BTN3A3: variants seen among roughly 807,000 people sequenced by gnomAD.
The protein encoded by BTN3A3 is butyrophilin 3.
A neutral mutation model predicts 43.2 loss-of-function variants in BTN3A3; 39 were observed. That is an observed-to-expected ratio of 0.90 (90% CI 0.70 to 1.18). The LOEUF (loss-of-function observed/expected upper bound fraction) is 1.18, where lower values mean the gene tolerates loss of function less well. Ranked by LOEUF, BTN3A3 falls within the 50% of genes most tolerant of loss-of-function variation. The pLI is 0.00. For synonymous variants in BTN3A3, 255 were observed against 272.7 expected (o/e 0.93, Z 0.64); for missense variants, 631 against 722.8 (o/e 0.87, Z 1.46).
At chr6:26,441,150 G>A (rs1762625114) in intron 1 of BTN3A3, among the ~76,000 whole-genome samples, 2 of 152,098 alleles carry the variant, frequency 1.3e-5, no homozygotes, top group Admixed American at 6.6e-5. Context: ...ACAGGCAGGG[G>A]GTAGACAAAC....
chr6:26,447,548 A>G (rs1488491927), intron 5 of BTN3A3, among the ~76,000 whole-genome samples: 1 of 152,174 alleles, frequency 6.6e-6, no homozygotes, highest in Non-Finnish European at 1.5e-5. Context: ...ATTTTAGTAA[A>G]CATGGGTTTT....
At position 26,448,322 on chromosome 6, in the gene BTN3A3, G is replaced by A. The variant is rs543130389; in HGVS notation, c.790G>A (p.Ala264Thr). The A allele has an allele frequency of 3.2e-5, 51 of 1,613,646 alleles. No homozygotes were observed. The highest frequency in any genetic ancestry group is 2.9e-4 in the South Asian group (26 of 91,046). The stretch of plus-strand genomic sequence containing the variant: ...CCTGCCTATCTCGTTGCTGCTTCTC[G>A]CAGGAGCCAGTTACTTCTTGTGGAG... ...GTLPISLLLL[A>T]GASYFLWRQQ... is the part of the protein sequence containing the mutation. The change falls in exon 6 of 11, where the codon GCA becomes ACA. Residue 264 changes from alanine to threonine, a missense_variant. Coordinates refer to ENST00000244519, the MANE Select transcript of BTN3A3 (RefSeq NM_006994.5).
Position 26,451,760 on chromosome 6 carries a change from G to C in BTN3A3, c.1104G>C (p.Pro368=), listed in dbSNP as rs141739374. The change falls in exon 11 of 11, where the codon CCG becomes CCC. Residue 368 remains proline (P), a synonymous_variant. Transcript: ENST00000244519. ...GGAGTGTGCAGCGTGCTGAAGAGCCGCGGGATCTGCCAGACAACCCTGAGA... is the reference window on the plus strand; with the variant it reads ...GGAGTGTGCAGCGTGCTGAAGAGCCCCGGGATCTGCCAGACAACCCTGAGA... ...DQRSVQRAEE[P]RDLPDNPERF... is the part of the protein sequence containing the mutation. The C allele has an allele frequency of 6.2e-6, 10 of 1,614,040 alleles. No homozygotes were observed. Among genetic ancestry groups the C allele is most frequent in the Non-Finnish European group, 7.6e-6 (9 of 1,179,914 alleles).
intron 10 of BTN3A3, among the ~76,000 whole-genome samples, chr6:26,450,820 G>A (rs1762910690): frequency 6.6e-6 from 1 of 152,212 alleles, no homozygotes; most frequent in Admixed American, 6.5e-5. Context: ...GGAACCCAGA[G>A]AAAAGTAGCT....
In BTN3A3 at chr6:26,444,093, G is replaced by A. The variant is rs1472406346; in HGVS notation, c.222G>A (p.Gln74=). Residue 74 remains glutamine, a synonymous_variant, in exon 4 of 11, where the codon CAG becomes CAA. Coordinates refer to ENST00000244519, the MANE Select transcript of BTN3A3 (RefSeq NM_006994.5). The part of the protein sequence containing the change: ...ELRWVSSSLR[Q]VVNVYADGKE... ...GGTGGGTGAGTTCCAGCCTAAGGCAGGTGGTGAACGTGTATGCAGATGGAA... is the reference window on the plus strand; with the variant it reads ...GGTGGGTGAGTTCCAGCCTAAGGCAAGTGGTGAACGTGTATGCAGATGGAA... 2.5e-6 allele frequency: 4 copies of A among 1,614,010 alleles called. No homozygotes were observed. In the South Asian group the frequency reaches 4.4e-5, roughly 18 times the overall value.
chr6:26,440,810 G>GTT (rs1490535295), intron 1 of BTN3A3, 162 bp downstream of exon 1: 1 of 135,476 alleles, frequency 7.4e-6, no homozygotes, highest in African/African-American at 2.8e-5. Flanking sequence ...GTGTGTGTGT[G>GTT]TGTGTGCGTG....
chr6:26,451,325 A>C (rs2237236), intron 10 of BTN3A3, among the ~76,000 whole-genome samples: 2 of 152,010 alleles, frequency 1.3e-5, no homozygotes, highest in African/African-American at 4.8e-5. Flanking sequence ...TTTAGTTCAT[A>C]AGCGGTCGAG....
intron 4 of BTN3A3, chr6:26,444,572 C>A: frequency 1.7e-6 from 1 of 596,868 alleles, no homozygotes; most frequent in Non-Finnish European, 2.9e-6. Flanking sequence ...GGATAGGAAA[C>A]ATTAGAAATC....
In BTN3A3 at chr6:26,452,038, T is replaced by A. The variant is rs1762946271; in HGVS notation, c.1382T>A (p.Val461Glu). 15 of 1,614,002 alleles carry A rather than the reference T, an allele frequency of 9.3e-6. No individual in the cohort carries two copies. Among genetic ancestry groups the A allele is most frequent in the Non-Finnish European group, 1.3e-5 (15 of 1,180,024 alleles). The change falls in exon 11 of 11, where the codon GTG (valine) becomes GAG (glutamate). Residue 461 changes from valine (V) to glutamate (E), a missense_variant. Physicochemically the swap from Val to Glu is moderately radical, Grantham distance 121. This residue lies in a region of BTN3A3 where 551 missense variants were observed against 584.0 expected (regional missense o/e 0.94). Coordinates refer to ENST00000244519, the MANE Select transcript of BTN3A3 (RefSeq NM_006994.5). ...NLKLPEPPRK[V>E]GIFLDYETGE... The stretch of plus-strand genomic sequence containing the variant: ...AAACTTCCTGAGCCTCCTAGGAAAG[T>A]GGGGATCTTCCTGGACTATGAGACT...
In BTN3A3 at chr6:26,445,811, GAC is replaced by G; in HGVS notation, c.544_545del (p.Thr182GlnfsTer149). On this transcript the variant is annotated frameshift_variant, in exon 5 of 11. Transcript: ENST00000244519. LOFTEE classifies it high-confidence loss of function. ...CCCCCAACCCCAAATAAAGTGGAGC[GAC>G]ACCAAGGGAGAGAACATCCCGGCTG... ...WYPQPQIKWS[D>X]TKGENIPAVE... 6.2e-7 allele frequency: 1 copy of G among 1,614,162 alleles called. No individual in the cohort carries two copies. The highest frequency in any genetic ancestry group is 1.6e-4 in the Middle Eastern group (1 of 6,062).
Position 26,450,197 on chromosome 6 carries a change from T to G in BTN3A3, c.1018+64T>G, listed in dbSNP as rs1762892534. On this transcript the variant is annotated intron_variant, in intron 10 of 10. Coordinates refer to ENST00000244519, the MANE Select transcript of BTN3A3 (RefSeq NM_006994.5). ...GAGGGACTATATTCCTTTCTCCTCC[T>G]CCAACTCTTGTGATTTAGGGAAGAA... 2.6e-6 allele frequency: 4 copies of G among 1,563,208 alleles called. 1 individual carries two copies. The East Asian group carries it at 9.0e-5, about 35-fold the overall frequency.
Position 26,452,623 on chromosome 6 carries a change from G to T in BTN3A3, c.*212G>T, listed in dbSNP as rs553884202. On this transcript the variant is annotated 3_prime_UTR_variant, in exon 11 of 11. Transcript: ENST00000244519. ...TTAGTGCTGTGTTATAAGCTTTGGT[G>T]GATGTCACTCCTTTAATCCTCACAA... 3 of 543,434 alleles carry T rather than the reference G, an allele frequency of 5.5e-6. No homozygotes were observed. Among genetic ancestry groups the T allele is most frequent in the Non-Finnish European group, 9.6e-6 (3 of 311,882 alleles). The allele number at this position is 543,434 out of a possible 1,614,324, so 33.7% of individuals were successfully genotyped here. A position where few individuals can be genotyped will look rare whatever the true frequency, so the allele number is the denominator to read the frequency against.
intron 5 of BTN3A3, among the ~76,000 whole-genome samples, chr6:26,446,528 T>C (rs1261783000): frequency 2.0e-5 from 3 of 152,232 alleles, no homozygotes; most frequent in African/African-American, 4.8e-5. Context: ...TGATACCACA[T>C]GGCTATGGCA....
Position 26,451,798 on chromosome 6 carries a change from G to T in BTN3A3, c.1142G>T (p.Arg381Leu). ...LPDNPERFEW[R>L]YCVLGCENFT... ...GACAACCCTGAGAGATTTGAATGGC[G>T]TTACTGTGTCCTTGGCTGTGAAAAC... Residue 381 changes from arginine to leucine, a missense_variant, in exon 11 of 11, where the codon CGT becomes CTT. By Grantham distance (102) the Arg-to-Leu change is moderately radical. Around this residue, in one of 2 missense-constraint regions of BTN3A3, gnomAD observed 551 missense variants for 584.0 expected, o/e 0.94. Coordinates refer to ENST00000244519, the MANE Select transcript of BTN3A3 (RefSeq NM_006994.5). 6.2e-7 allele frequency: 1 copy of T among 1,614,050 alleles called. No individual in the cohort carries two copies. Among genetic ancestry groups the T allele is most frequent in the Non-Finnish European group, 8.5e-7 (1 of 1,179,914 alleles).
At position 26,443,901 on chromosome 6, in the gene BTN3A3, C is replaced by T. The variant is rs552804559; in HGVS notation, c.86-56C>T. Reference sequence around the variant, plus strand: ...CTTCCCTGTCTGAGAAGGACCCTTCCTCTCGTGACCCCAACTCCAAAACCC... The same window carrying T: ...CTTCCCTGTCTGAGAAGGACCCTTCTTCTCGTGACCCCAACTCCAAAACCC... On this transcript the variant is annotated intron_variant, in intron 3 of 10. Coordinates refer to ENST00000244519, the MANE Select transcript of BTN3A3 (RefSeq NM_006994.5). 9.9e-6 allele frequency: 16 copies of T among 1,613,794 alleles called. No homozygotes were observed. The South Asian group carries it at 1.4e-4, about 14-fold the overall frequency.
rs746423314 is a variant in BTN3A3, at chr6:26,451,724, T to G, written c.1068T>G (p.Ser356=). ...CGGCAAACGCCATCCTCCTTGTTTC[T>G]GAGGACCAGAGGAGTGTGCAGCGTG... ...PDTANAILLV[S]EDQRSVQRAE... The change falls in exon 11 of 11, where the codon TCT becomes TCG. Residue 356 remains serine (S), a synonymous_variant. Coordinates refer to ENST00000244519, the MANE Select transcript of BTN3A3 (RefSeq NM_006994.5). 20 of 1,614,018 alleles carry G rather than the reference T, an allele frequency of 1.2e-5. 1 individual carries two copies. Among genetic ancestry groups the G allele is most frequent in the Middle Eastern group, 1.6e-4 (1 of 6,082 alleles).
At position 26,448,626 on chromosome 6, in the gene BTN3A3, A is replaced by G; in HGVS notation, c.926A>G (p.Gln309Arg). 2 of 1,613,962 alleles carry G rather than the reference A, an allele frequency of 1.2e-6. No individual in the cohort carries two copies. The highest frequency in any genetic ancestry group is 1.7e-6 in the Non-Finnish European group (2 of 1,180,002). ...EQEISLREKL[Q>R]EELKWRKIQY... Reference sequence around the variant, plus strand: ...TTTGCTTATTTTCCAGAGAAGCTCCAGGAGGAACTCAGTAAGTTCCCATTC... The same window carrying G: ...TTTGCTTATTTTCCAGAGAAGCTCCGGGAGGAACTCAGTAAGTTCCCATTC... The change falls in exon 7 of 11, where the codon CAG becomes CGG. Residue 309 changes from glutamine to arginine, a missense_variant. Transcript: ENST00000244519.
At chr6:26,450,315 C>A in intron 10 of BTN3A3, 182 bp downstream of exon 10, 1 of 659,956 alleles carries the variant, frequency 1.5e-6, no homozygotes, top group Non-Finnish European at 2.6e-6. Context: ...GCTGAGAGCC[C>A]AGGGAACCAG....
In BTN3A3 at chr6:26,443,985, G is replaced by A. The variant is rs747271562; in HGVS notation, c.114G>A (p.Gly38=). The change falls in exon 4 of 11, where the codon GGG becomes GGA. Residue 38 remains glycine (G), a synonymous_variant. Transcript: ENST00000244519. The part of the protein sequence containing the change: ...SAQFSVLGPS[G]PILAMVGEDA... ...AGTTTTCTGTGCTTGGACCCTCTGG[G>A]CCCATCCTGGCCATGGTGGGTGAAG... is the stretch of plus-strand genomic sequence containing the variant. 6.2e-7 allele frequency: 1 copy of A among 1,613,868 alleles called. No individual in the cohort carries two copies. The highest frequency in any genetic ancestry group is 8.5e-7 in the Non-Finnish European group (1 of 1,179,834).
Sources: allele counts gnomAD v4.1 joint callset (sites outside exome capture counted in the v4.1 genomes callset), GRCh38; gene constraint gnomAD v4.1.1; regional missense constraint gnomAD v4.1.1; transcripts MANE v1.5; gene names NCBI Gene and HGNC (gene_info 2026-07-23, HGNC 2026-07-21).